The following TMEM132B variants were observed in gnomAD, a reference collection of about 807,000 sequenced individuals.
The protein encoded by TMEM132B is transmembrane protein 132B.
TMEM132B carries 18 observed loss-of-function variants against 90.8 expected under a neutral mutation model. That is an observed-to-expected ratio of 0.20 (90% confidence interval 0.14 to 0.29). TMEM132B has a LOEUF of 0.29. TMEM132B is among the 10% of genes least tolerant of loss of function. TMEM132B has a pLI of 1.00. For missense variants in TMEM132B, 1,096 were observed against 1,326.8 expected (o/e 0.83, Z 2.70); for synonymous variants, 504 against 523.3 (o/e 0.96, Z 0.50).
intron 2 of TMEM132B, among the ~76,000 whole-genome samples, chr12:125,354,062 T>G (rs972704494): frequency 2.0e-4 from 30 of 152,204 alleles, no homozygotes; most frequent in African/African-American, 7.0e-4. Flanking sequence ...AGCAGCCTCT[T>G]CCTTTAGGGA....
chr12:125,549,293 G>A (rs1055132154), intron 4 of TMEM132B, among the ~76,000 whole-genome samples: 9 of 152,198 alleles, frequency 5.9e-5, no homozygotes, highest in South Asian at 4.1e-4. Flanking sequence ...CAGTGAGTCC[G>A]CCTCCTCGGC....
intron 4 of TMEM132B, among the ~76,000 whole-genome samples, chr12:125,561,284 A>G (rs1884520021): frequency 6.6e-6 from 1 of 151,726 alleles, no homozygotes; most frequent in Admixed American, 6.6e-5. Flanking sequence ...AGAAAACCAA[A>G]CACCGCATGT....
At chr12:125,333,278 T>C (rs985372538) in intron 1 of TMEM132B, among the ~76,000 whole-genome samples, 5 of 152,214 alleles carry the variant, frequency 3.3e-5, no homozygotes, top group African/African-American at 1.2e-4. Context: ...GTGGGTGTCA[T>C]TGGACTTATG....
intron 4 of TMEM132B, among the ~76,000 whole-genome samples, chr12:125,548,771 C>A (rs1884151001): frequency 6.6e-6 from 1 of 152,166 alleles, no homozygotes; most frequent in Non-Finnish European, 1.5e-5. Context: ...GAGAAACTAT[C>A]TGGAAGTCTG....
chr12:125,574,159 G>T lies in TMEM132B; in HGVS notation c.1294-9692G>T, dbSNP rs188998201. ...AGATACCCATAGGTGGAGTTACTGAGCAGTCAGTTTTTTTTTTTTTAAATC... is the reference window on the plus strand; with the variant it reads ...AGATACCCATAGGTGGAGTTACTGATCAGTCAGTTTTTTTTTTTTTAAATC... On this transcript the variant is annotated intron_variant, in intron 4 of 8. Coordinates refer to ENST00000682704, the MANE Select transcript of TMEM132B (RefSeq NM_001366854.1). 2.0e-5 allele frequency among the ~76,000 whole-genome samples: 3 copies of T among 149,176 alleles called. No homozygotes were observed. In the East Asian group the frequency reaches 6.5e-4, roughly 32 times the overall value.
intron 4 of TMEM132B, among the ~76,000 whole-genome samples, chr12:125,572,058 G>A (rs888008919): frequency 6.6e-6 from 1 of 152,200 alleles, no homozygotes; most frequent in African/African-American, 2.4e-5. Context: ...GACAAAATGT[G>A]CCATATTGGG....
chr12:125,393,232 G>C (rs1476688049), intron 2 of TMEM132B, among the ~76,000 whole-genome samples: 2 of 152,210 alleles, frequency 1.3e-5, no homozygotes, highest in African/African-American at 4.8e-5. Flanking sequence ...ATTAATCTGA[G>C]AAGTGCATAT....
At chr12:125,509,836 C>T (rs372504717) in intron 3 of TMEM132B, among the ~76,000 whole-genome samples, 4 of 144,926 alleles carry the variant, frequency 2.8e-5, no homozygotes, top group African/African-American at 5.0e-5. Context: ...CTGCATCCTC[C>T]GTGTCTGGAG....
intron 3 of TMEM132B, among the ~76,000 whole-genome samples, chr12:125,433,343 G>A (rs775902893): frequency 2.6e-5 from 4 of 151,994 alleles, no homozygotes; most frequent in African/African-American, 7.2e-5. Context: ...AGAAGGAGGT[G>A]TCCCCCGACT....
chr12:125,202,025 T>C (rs150809572), intron 1 of TMEM132B, among the ~76,000 whole-genome samples: 91 of 152,344 alleles, frequency 6.0e-4, no homozygotes, highest in African/African-American at 2.0e-3. Context: ...TGTAAATCCC[T>C]GTGGCTTGGG....
In TMEM132B at chr12:125,406,096, G is replaced by C. The variant is rs1308836495; in HGVS notation, c.960-9435G>C. 6.6e-6 allele frequency among the ~76,000 whole-genome samples: 1 copy of C among 152,138 alleles called. No individual in the cohort carries two copies. Among genetic ancestry groups the C allele is most frequent in the Non-Finnish European group, 1.5e-5 (1 of 68,014 alleles). ...AAGTTCTTCCACTGTGGGCTGTTTGGTTAACTCAAACGTTAGTAGATATGC... is the reference window on the plus strand; with the variant it reads ...AAGTTCTTCCACTGTGGGCTGTTTGCTTAACTCAAACGTTAGTAGATATGC... On this transcript the variant is annotated intron_variant, in intron 2 of 8. Coordinates refer to ENST00000682704, the MANE Select transcript of TMEM132B (RefSeq NM_001366854.1). The surrounding 1 kb of genome is among the most constrained non-coding windows in gnomAD (Gnocchi z 8.3).
chr12:125,385,484 A>G (rs1262050219), intron 2 of TMEM132B, among the ~76,000 whole-genome samples: 1 of 152,222 alleles, frequency 6.6e-6, no homozygotes, highest in Non-Finnish European at 1.5e-5. Flanking sequence ...GAGGCGATCA[A>G]TGCACCTTGG....
intron 5 of TMEM132B, among the ~76,000 whole-genome samples, chr12:125,628,895 T>C (rs2136989469): frequency 6.6e-6 from 1 of 152,328 alleles, no homozygotes; most frequent in East Asian, 1.9e-4. Flanking sequence ...GCACCATTTA[T>C]TGAAGAGACT....
chr12:125,335,966 G>A (rs761601261), intron 1 of TMEM132B, among the ~76,000 whole-genome samples: 1 of 152,158 alleles, frequency 6.6e-6, no homozygotes, highest in Non-Finnish European at 1.5e-5. Flanking sequence ...CAGCCTGGGC[G>A]ACAGAGCAAG....
intron 5 of TMEM132B, among the ~76,000 whole-genome samples, chr12:125,594,203 A>C (rs1885385088): frequency 6.6e-6 from 1 of 152,148 alleles, no homozygotes; most frequent in Admixed American, 6.5e-5. Flanking sequence ...CATCCAGTTA[A>C]TTTGACATTC....
At chr12:125,538,698 A>G (rs562179738) in intron 4 of TMEM132B, among the ~76,000 whole-genome samples, 2 of 152,308 alleles carry the variant, frequency 1.3e-5, no homozygotes, top group South Asian at 4.1e-4. Context: ...TTCGTTTTTG[A>G]AAACCTGATT....
At chr12:125,260,394 T>C (rs1874536104) in intron 1 of TMEM132B, among the ~76,000 whole-genome samples, 1 of 152,200 alleles carries the variant, frequency 6.6e-6, no homozygotes, top group Non-Finnish European at 1.5e-5. Context: ...AGATAGAGTC[T>C]TGCTGTGTCA....
At chr12:125,606,201 A>G (rs181733128) in intron 5 of TMEM132B, among the ~76,000 whole-genome samples, 1 of 152,192 alleles carries the variant, frequency 6.6e-6, no homozygotes, top group African/African-American at 2.4e-5. Context: ...ATTTCAGTCA[A>G]TGGAGAACAT....
At chr12:125,353,330 T>C (rs2166874) in intron 2 of TMEM132B, among the ~76,000 whole-genome samples, 16,934 of 152,192 alleles carry the variant, frequency 0.11, 1,565 homozygotes, top group African/African-American at 0.26. Flanking sequence ...CCCCTATCAC[T>C]GCTGTGGGGG....
Sources: allele counts gnomAD v4.1 joint callset (sites outside exome capture counted in the v4.1 genomes callset), GRCh38; gene constraint gnomAD v4.1.1; non-coding constraint Gnocchi (gnomAD v3.1); transcripts MANE v1.5; gene names NCBI Gene and HGNC (gene_info 2026-07-23, HGNC 2026-07-21).